KCNK10: variants seen among roughly 807,000 people sequenced by gnomAD.
KCNK10 encodes potassium channel subfamily K member 10.
In KCNK10, 25 loss-of-function variants were observed where a neutral mutation model predicts 47.7. The observed-to-expected ratio is 0.52, with a 90% CI of 0.38 to 0.73. The LOEUF (loss-of-function observed/expected upper bound fraction) is 0.73, where lower values mean the gene tolerates loss of function less well. Among genes scored for constraint, KCNK10 ranks in the 30% least tolerant of loss-of-function variants. The pLI, the probability that KCNK10 is intolerant of heterozygous loss-of-function variation, is 0.00. For missense variants in KCNK10, 563 were observed against 714.5 expected (o/e 0.79, Z 2.42); for synonymous variants, 303 against 285.6 (o/e 1.06, Z -0.61).
chr14:88,245,861 G>A (rs922246088), intron 2 of KCNK10, among the ~76,000 whole-genome samples: 1 of 152,160 alleles, frequency 6.6e-6, no homozygotes, highest in African/African-American at 2.4e-5. Flanking sequence ...TGGGACCACA[G>A]GACAGGTGCA....
intron 4 of KCNK10, among the ~76,000 whole-genome samples, chr14:88,215,051 T>C (rs977018445): frequency 1.3e-5 from 2 of 152,194 alleles, no homozygotes; most frequent in Non-Finnish European, 2.9e-5. Context: ...ACAGAACCAG[T>C]CTAAGCATTC....
At chr14:88,219,149 G>A (rs373611100) in intron 4 of KCNK10, among the ~76,000 whole-genome samples, 6 of 152,178 alleles carry the variant, frequency 3.9e-5, no homozygotes, top group Non-Finnish European at 2.9e-5. Context: ...TATTCCCCCC[G>A]AAGAGTGATG....
At chr14:88,199,726 C>G (rs575669177) in intron 4 of KCNK10, among the ~76,000 whole-genome samples, 2 of 152,206 alleles carry the variant, frequency 1.3e-5, no homozygotes, top group Non-Finnish European at 2.9e-5. Flanking sequence ...CATATGATCC[C>G]TATCCCCACT....
chr14:88,317,337 A>G (rs1375848644), intron 1 of KCNK10, among the ~76,000 whole-genome samples: 1 of 152,226 alleles, frequency 6.6e-6, no homozygotes, highest in Non-Finnish European at 1.5e-5. Flanking sequence ...CCCATTCACA[A>G]AAGACCAAAA....
intron 3 of KCNK10, among the ~76,000 whole-genome samples, chr14:88,229,399 C>G (rs1178830340): frequency 6.6e-6 from 1 of 152,022 alleles, no homozygotes; most frequent in Non-Finnish European, 1.5e-5. Flanking sequence ...ATCTGCAAAT[C>G]CTAGTGTCAG....
upstream of KCNK10, among the ~76,000 whole-genome samples, chr14:88,324,091 G>A (rs1271343996): frequency 6.6e-6 from 1 of 152,204 alleles, no homozygotes; most frequent in Non-Finnish European, 1.5e-5. Flanking sequence ...GAGGCACGGG[G>A]GCCCCCGGAG....
At chr14:88,284,128 C>A (rs1322535987) in intron 1 of KCNK10, among the ~76,000 whole-genome samples, 1 of 152,142 alleles carries the variant, frequency 6.6e-6, no homozygotes, top group African/African-American at 2.4e-5. Context: ...TCAACCCCTG[C>A]AGCAGGTCCC....
At chr14:88,200,734 G>A (rs2139838594) in intron 4 of KCNK10, among the ~76,000 whole-genome samples, 1 of 152,250 alleles carries the variant, frequency 6.6e-6, no homozygotes, top group East Asian at 1.9e-4. Context: ...TATTTATCAT[G>A]TACCTACTCT....
At chr14:88,238,286 C>A (rs1262647143) in intron 3 of KCNK10, among the ~76,000 whole-genome samples, 1 of 152,212 alleles carries the variant, frequency 6.6e-6, no homozygotes, top group African/African-American at 2.4e-5. Context: ...ATCCAGACCA[C>A]TACAATTTTC....
rs17688996 is a variant in KCNK10 at position 88,181,772 on chromosome 14, T to G, written c.*3763A>C. The G allele has an allele frequency of 6.6e-6, 1 of 152,230 alleles. No individual in the cohort carries two copies. The highest frequency in any genetic ancestry group is 2.4e-5 in the African/African-American group (1 of 41,416). The allele number at this position is 152,230 out of a possible 1,614,324, so 9.4% of individuals were successfully genotyped here. A position where few individuals can be genotyped will look rare whatever the true frequency, so the allele number is the denominator to read the frequency against. Reference sequence around the variant, plus strand: ...ATGGGCAAGACAATTAATTAGTCATTATTCACAAATCCAACTTATAATTTA... The same window carrying G: ...ATGGGCAAGACAATTAATTAGTCATGATTCACAAATCCAACTTATAATTTA... On this transcript the variant is annotated 3_prime_UTR_variant, in exon 7 of 7. Transcript: ENST00000319231.
intron 2 of KCNK10, among the ~76,000 whole-genome samples, chr14:88,257,876 G>T (rs781533364): frequency 2.0e-5 from 3 of 152,086 alleles, no homozygotes; most frequent in Non-Finnish European, 4.4e-5. Flanking sequence ...CAACCTATGA[G>T]CATGTTGAAC....
At chr14:88,237,620 A>G (rs1397915456) in intron 3 of KCNK10, among the ~76,000 whole-genome samples, 2 of 152,214 alleles carry the variant, frequency 1.3e-5, no homozygotes, top group African/African-American at 4.8e-5. Context: ...TGAAAACAAC[A>G]TTTATCTCCT....
At chr14:88,224,002 G>A (rs1386392811) in intron 4 of KCNK10, among the ~76,000 whole-genome samples, 2 of 145,206 alleles carry the variant, frequency 1.4e-5, no homozygotes, top group Non-Finnish European at 3.0e-5. Flanking sequence ...CCAACACAGT[G>A]AAATCCCATC....
intron 4 of KCNK10, among the ~76,000 whole-genome samples, chr14:88,222,669 C>T (rs1885855950): frequency 6.6e-6 from 1 of 152,122 alleles, no homozygotes. Context: ...TGGGATATCT[C>T]TGTATCTTCC....
In KCNK10 at chr14:88,313,093, C is replaced by T. The variant is rs143465636; in HGVS notation, c.52+9654G>A. On this transcript the variant is annotated intron_variant, in intron 1 of 6. Transcript: ENST00000319231. ...AAATCAGACAGACTCGGGTTCAAGT[C>T]GTAGCATGACTAGGTAACTTTGGGC... Among the ~76,000 whole-genome samples, 19 of 152,272 alleles carry T rather than the reference C, an allele frequency of 1.2e-4. No homozygotes were observed. In the East Asian group the frequency reaches 2.3e-3, roughly 19 times the overall value.
rs115496509 is a variant in KCNK10 at position 88,261,020 on chromosome 14, G to A, written c.402+2182C>T. 1.1e-3 allele frequency among the ~76,000 whole-genome samples: 169 copies of A among 152,294 alleles called. 1 individual carries two copies. The highest frequency in any genetic ancestry group is 3.9e-3 in the African/African-American group (162 of 41,548). On this transcript the variant is annotated intron_variant, in intron 2 of 6. Coordinates refer to ENST00000319231, the MANE Select transcript of KCNK10 (RefSeq NM_138317.3). Reference sequence around the variant, plus strand: ...AAAGAATGGGCAATACGGAAATGCCGAATTAATCAACAAATGCATGGATAA... The same window carrying A: ...AAAGAATGGGCAATACGGAAATGCCAAATTAATCAACAAATGCATGGATAA...
intron 4 of KCNK10, among the ~76,000 whole-genome samples, chr14:88,197,166 G>T (rs1884940510): frequency 6.6e-6 from 1 of 152,204 alleles, no homozygotes; most frequent in African/African-American, 2.4e-5. Context: ...AGACTGGCCA[G>T]TTCAGTACTT....
intron 1 of KCNK10, among the ~76,000 whole-genome samples, chr14:88,321,041 T>G (rs142982960): frequency 7.9e-4 from 121 of 152,340 alleles, no homozygotes; most frequent in African/African-American, 2.8e-3. Flanking sequence ...TTCCAGAGGT[T>G]TCAAATAGAG....
chr14:88,255,629 G>A (rs1338060996), intron 2 of KCNK10, among the ~76,000 whole-genome samples: 1 of 152,136 alleles, frequency 6.6e-6, no homozygotes, highest in African/African-American at 2.4e-5. Flanking sequence ...AGGCCTCTGA[G>A]GACTTCAGTA....
Sources: gnomAD v4.1 joint callset for allele counts (sites outside exome capture counted in the v4.1 genomes callset) on GRCh38, gnomAD v4.1.1 for gene constraint, MANE v1.5 for transcripts, NCBI Gene and HGNC (gene_info 2026-07-23, HGNC 2026-07-21) for gene names.